HLA-F: variants seen among roughly 807,000 people sequenced by gnomAD.
The protein encoded by HLA-F is major histocompatibility complex, class I, F, also known as HLA class I histocompatibility antigen, alpha chain F.
In HLA-F, 46 loss-of-function variants were observed where a neutral mutation model predicts 49.5. That is an observed-to-expected ratio of 0.93 (90% confidence interval 0.73 to 1.19). The LOEUF (loss-of-function observed/expected upper bound fraction) is 1.19, where lower values mean the gene tolerates loss of function less well. HLA-F is among the 50% of genes most tolerant of loss of function. The probability of loss-of-function intolerance (pLI) is 0.00; values close to 1 mark genes in which losing one functional copy is unlikely to be tolerated. For missense variants in HLA-F, 496 were observed against 579.6 expected (o/e 0.86, Z 1.48); for synonymous variants, 203 against 233.5 (o/e 0.87, Z 1.19).
In HLA-F at chr6:29,727,245, A is replaced by G. The variant is rs1444050793; in HGVS notation, c.*70A>G. On this transcript the variant is annotated 3_prime_UTR_variant, in exon 7 of 7. Transcript: ENST00000259951. ...AATACTTCATCACACACCTCCTAAG[A>G]ATAAGAACCAACATTATCACACCAA... is the stretch of plus-strand genomic sequence containing the variant. The G allele has an allele frequency of 1.1e-6, 1 of 930,048 alleles. No individual in the cohort carries two copies. The highest frequency in any genetic ancestry group is 1.6e-6 in the Non-Finnish European group (1 of 615,738). 57.6% of individuals were successfully genotyped at this position (930,048 alleles called of 1,614,324 possible).
chr6:29,724,100 G>T (rs1474446201), intron 2 of HLA-F, 73 bp from the exon 3 acceptor site: 19 of 1,583,822 alleles, frequency 1.2e-5, no homozygotes, highest in Non-Finnish European at 1.4e-5. Context: ...TTCAGTTTAG[G>T]CCAAAATCCC....
chr6:29,723,948 G>A, intron 2 of HLA-F, 21 bp downstream of exon 2: 10 of 1,581,622 alleles, frequency 6.3e-6, no homozygotes, highest in African/African-American at 1.4e-5. Context: ...CCGGCCGGGG[G>A]CGCAGGTCAC....
In HLA-F at chr6:29,726,259, T is replaced by G. The variant is rs779955774; in HGVS notation, c.1036+216T>G. 4 of 965,330 alleles carry G rather than the reference T, an allele frequency of 4.1e-6. No homozygotes were observed. In the Admixed American group the frequency reaches 6.8e-5, roughly 16 times the overall value. The allele number at this position is 965,330 out of a possible 1,614,324, so 59.8% of individuals were successfully genotyped here. ...TCCAGGGCAGGGGCCCTGATGTGAG[T>G]GGGGTGTTGGGGGGGAACAGAGGGG... On this transcript the variant is annotated intron_variant, in intron 6 of 6. Coordinates refer to ENST00000259951, the MANE Select transcript of HLA-F (RefSeq NM_001098479.2).
At chr6:29,726,236 C>A in intron 6 of HLA-F, 193 bp downstream of exon 6, 1 of 949,342 alleles carries the variant, frequency 1.1e-6, no homozygotes, top group South Asian at 1.3e-5. Flanking sequence ...GGTGACACTC[C>A]AGGGCAGGGG....
downstream of HLA-F, chr6:29,728,256 A>C: frequency 2.8e-6 from 1 of 361,564 alleles, no homozygotes. Context: ...GAACTGAGGG[A>C]CACCCTGAAG....
In HLA-F at chr6:29,727,082, T is replaced by G; in HGVS notation, c.1236T>G (p.Leu412=). Residue 412 remains leucine (L), a synonymous_variant, in exon 7 of 7, where the codon CTT becomes CTG. Coordinates refer to ENST00000259951, the MANE Select transcript of HLA-F (RefSeq NM_001098479.2). ...CTGCCTTCTTGGCCTTGCAAAGCCT[T>G]CGCTTTGGCTTCGGCTTTAGGAGGG... ...FNTAFLALQS[L]RFGFGFRRGR... The G allele has an allele frequency of 6.2e-7, 1 of 1,613,144 alleles. No individual in the cohort carries two copies. Among genetic ancestry groups the G allele is most frequent in the Non-Finnish European group, 8.5e-7 (1 of 1,179,964 alleles).
At position 29,724,371 on chromosome 6, in the gene HLA-F, G is replaced by A; in HGVS notation, c.533G>A (p.Arg178Lys). ...YEAEEYAEEFRTYLEGECLEL... is the reference protein window; with the variant it reads ...YEAEEYAEEFKTYLEGECLEL... Reference sequence around the variant, plus strand: ...GCAGAGGAATATGCAGAGGAGTTCAGGACCTACCTGGAGGGCGAGTGCCTG... The same window carrying A: ...GCAGAGGAATATGCAGAGGAGTTCAAGACCTACCTGGAGGGCGAGTGCCTG... The change falls in exon 3 of 7, where the codon AGG becomes AAG. Residue 178 changes from arginine (R) to lysine (K), a missense_variant. By Grantham distance (26) the Arg-to-Lys change is conservative (BLOSUM62 2). Transcript: ENST00000259951. 6.2e-7 allele frequency: 1 copy of A among 1,613,238 alleles called. No homozygotes were observed. The highest frequency in any genetic ancestry group is 8.5e-7 in the Non-Finnish European group (1 of 1,180,042).
intron 3 of HLA-F, 79 bp downstream of exon 3, chr6:29,724,527 G>A (rs1583257030): frequency 6.8e-7 from 1 of 1,479,238 alleles, no homozygotes; most frequent in Non-Finnish European, 9.3e-7. Context: ...GAGGAAAGTG[G>A]ACCCAATGCT....
At chr6:29,724,132 G>A (rs1175498409) in intron 2 of HLA-F, 41 bp from the exon 3 acceptor site, 3 of 1,608,938 alleles carry the variant, frequency 1.9e-6, no homozygotes, top group African/African-American at 1.3e-5. Flanking sequence ...CGGGGAGGGG[G>A]CGGGGCTAGC....
downstream of HLA-F, chr6:29,728,470 C>G (rs1418361190): frequency 5.7e-6 from 1 of 174,914 alleles, no homozygotes; most frequent in South Asian, 1.3e-4. Context: ...CAAGACACTA[C>G]TCTTCTGCCA....
downstream of HLA-F, among the ~76,000 whole-genome samples, chr6:29,727,736 A>G (rs1776241694): frequency 6.6e-6 from 1 of 152,154 alleles, no homozygotes; most frequent in South Asian, 2.1e-4. Flanking sequence ...GAGATGCAGA[A>G]CCATGGGCTG....
chr6:29,734,551 C>T (rs1776896836), intron 3 of HLA-F, among the ~76,000 whole-genome samples: 1 of 152,128 alleles, frequency 6.6e-6, no homozygotes, highest in Admixed American at 6.5e-5. Flanking sequence ...TAGGAGATGA[C>T]ATCCTGAGGG....
rs778536918 is a variant in HLA-F at position 29,723,797 on chromosome 6, G to C, written c.204G>C (p.Pro68=). Reference sequence around the variant, plus strand: ...ACGCCGCGATTCCGAGGATGGAGCCGCGGGAGCCGTGGGTGGAGCAAGAGG... The same window carrying C: ...ACGCCGCGATTCCGAGGATGGAGCCCCGGGAGCCGTGGGTGGAGCAAGAGG... ...DSDAAIPRME[P]REPWVEQEGP... The change falls in exon 2 of 7, where the codon CCG becomes CCC. Residue 68 remains proline (P), a synonymous_variant. Coordinates refer to ENST00000259951, the MANE Select transcript of HLA-F (RefSeq NM_001098479.2). The C allele has an allele frequency of 1.2e-6, 2 of 1,607,236 alleles. No individual in the cohort carries two copies. The highest frequency in any genetic ancestry group is 1.7e-6 in the Non-Finnish European group (2 of 1,177,406).
At chr6:29,731,232 C>CATAGATAGATAGATAGATAG (rs57735158), downstream of HLA-F, among the ~76,000 whole-genome samples, 90 of 81,636 alleles carry the variant, frequency 1.1e-3, no homozygotes, top group Middle Eastern at 6.3e-3. Flanking sequence ...TAGATGGATA[C>CATAGATAGATAGATAGATAG]ATAGATAGAT....
Position 29,726,001 on chromosome 6 carries a change from C to A in HLA-F, c.1004-10C>A, listed in dbSNP as rs201926260. 48 of 1,613,884 alleles carry A rather than the reference C, an allele frequency of 3.0e-5. No individual in the cohort carries two copies. The highest frequency in any genetic ancestry group is 4.1e-5 in the Non-Finnish European group (48 of 1,179,844). On this transcript the variant is annotated splice_polypyrimidine_tract_variant and intron_variant, in intron 5 of 6. Coordinates refer to ENST00000259951, the MANE Select transcript of HLA-F (RefSeq NM_001098479.2). Reference sequence around the variant, plus strand: ...TTTCTGGCCTCTCACAGGACATTTTCTTCCCATAGATAGAAACAGAGGGAG... The same window carrying A: ...TTTCTGGCCTCTCACAGGACATTTTATTCCCATAGATAGAAACAGAGGGAG...
rs879237280 is a variant in HLA-F at position 29,725,568 on chromosome 6, G to A, written c.1003+5G>A. 1 of 1,611,902 alleles carries A rather than the reference G, an allele frequency of 6.2e-7. No individual in the cohort carries two copies. Among genetic ancestry groups the A allele is most frequent in the African/African-American group, 1.3e-5 (1 of 74,996 alleles). On this transcript the variant is annotated splice_donor_5th_base_variant and intron_variant, in intron 5 of 6. Coordinates refer to ENST00000259951, the MANE Select transcript of HLA-F (RefSeq NM_001098479.2). ...TGTGGAGGAAGAAGAGCTCAGGTAG[G>A]AAGGGGTGAGGAGTGGAGTCTGAGT...
At position 29,724,454 on chromosome 6, in the gene HLA-F, A is replaced by G; in HGVS notation, c.610+6A>G. The G allele has an allele frequency of 6.2e-7, 1 of 1,612,304 alleles. No homozygotes were observed. The highest frequency in any genetic ancestry group is 8.5e-7 in the Non-Finnish European group (1 of 1,179,312). ...GGAGACGCTACAGCGCGCAGGTACC[A>G]GGGGCCATGGGCGCCTTCCCTATCT... On this transcript the variant is annotated splice_donor_region_variant and intron_variant, in intron 3 of 6. Transcript: ENST00000259951.
At chr6:29,724,861 T>C (rs190090790) in intron 3 of HLA-F, among the ~76,000 whole-genome samples, 170 bp from the exon 4 acceptor site, 15 of 152,288 alleles carry the variant, frequency 9.8e-5, no homozygotes, top group African/African-American at 3.6e-4. Context: ...AGACTCTAAC[T>C]TTCCAAGGAA....
chr6:29,727,943 CTT>C (rs750254585), downstream of HLA-F: 5 of 518,502 alleles, frequency 9.6e-6, no homozygotes, highest in Admixed American at 5.8e-5. Flanking sequence ...TTCCGGATCA[CTT>C]TCCCTCTACA....
Sources: allele counts gnomAD v4.1 joint callset (sites outside exome capture counted in the v4.1 genomes callset), GRCh38; gene constraint gnomAD v4.1.1; transcripts MANE v1.5; gene names NCBI Gene and HGNC (gene_info 2026-07-23, HGNC 2026-07-21).